ZNF532: variants seen among roughly 807,000 people sequenced by gnomAD.
ZNF532 encodes zinc finger protein 532.
ZNF532 carries 22 observed loss-of-function variants against 89.3 expected under a neutral mutation model. That is an observed-to-expected ratio of 0.25 (90% CI 0.18 to 0.35). The LOEUF (loss-of-function observed/expected upper bound fraction) is 0.35. Among genes scored for constraint, ZNF532 ranks in the 10% least tolerant of loss-of-function variants. The pLI is 1.00. For missense variants in ZNF532, 1,132 were observed against 1,643.4 expected (o/e 0.69, Z 5.38); for synonymous variants, 606 against 649.6 (o/e 0.93, Z 1.02).
chr18:58,951,002 G>A (rs964010846), intron 6 of ZNF532, among the ~76,000 whole-genome samples: 1 of 151,772 alleles, frequency 6.6e-6, no homozygotes, highest in Non-Finnish European at 1.5e-5. Flanking sequence ...TGTTGCCCCG[G>A]TTGGAGTACA....
Position 58,984,225 on chromosome 18 carries a change from TC to T in ZNF532, c.3666del (p.Phe1223SerfsTer6), listed in dbSNP as rs1460856455. 2 of 1,611,776 alleles carry T rather than the reference TC, an allele frequency of 1.2e-6. No individual in the cohort carries two copies. The highest frequency in any genetic ancestry group is 1.3e-5 in the African/African-American group (1 of 74,816). ...YTSHVSLSRH[L>X]FIVHKLKEPQ... is the part of the protein sequence containing the mutation. ...TCTCACGTCTCTCTGTCCAGGCACC[TC>T]TTCATCGTACACAAGTTAAAGGAAC... On this transcript the variant is annotated frameshift_variant, in exon 10 of 10. Coordinates refer to ENST00000591808, the MANE Select transcript of ZNF532 (RefSeq NM_001375912.1). LOFTEE classifies it high-confidence loss of function.
In ZNF532 at chr18:58,984,456, C is replaced by T; in HGVS notation, c.3896C>T (p.Ala1299Val). The T allele has an allele frequency of 8.1e-6, 13 of 1,607,092 alleles. No individual in the cohort carries two copies. Among genetic ancestry groups the T allele is most frequent in the Non-Finnish European group, 1.1e-5 (13 of 1,175,968 alleles). The change falls in exon 10 of 10, where the codon GCC (alanine) becomes GTC (valine). Residue 1299 changes from alanine to valine, a missense_variant. By Grantham distance (64) the Ala-to-Val change is moderately conservative. Coordinates refer to ENST00000591808, the MANE Select transcript of ZNF532 (RefSeq NM_001375912.1). Reference sequence around the variant, plus strand: ...ATCAAATCCAAAAGGATGAGCTCAGCCGAGAAATAGCCACAGATGCTCCAT... The same window carrying T: ...ATCAAATCCAAAAGGATGAGCTCAGTCGAGAAATAGCCACAGATGCTCCAT... ...AFIKSKRMSS[A>V]EK
chr18:58,936,932 C>T lies in ZNF532; in HGVS notation c.2528+2318C>T, dbSNP rs143522543. 2.3e-3 allele frequency among the ~76,000 whole-genome samples: 351 copies of T among 152,266 alleles called. 2 individuals are homozygous for T. The highest frequency in any genetic ancestry group is 3.4e-3 in the Non-Finnish European group (229 of 68,020). On this transcript the variant is annotated intron_variant, in intron 4 of 9. Coordinates refer to ENST00000591808, the MANE Select transcript of ZNF532 (RefSeq NM_001375912.1). ...GTCTAATGTAGCAGCATGGTTCCCA[C>T]GCCTTACTTTGTCTCGTCTTGGTGC...
intron 3 of ZNF532, among the ~76,000 whole-genome samples, chr18:58,923,156 C>G (rs1357925634): frequency 6.6e-6 from 1 of 152,028 alleles, no homozygotes; most frequent in Non-Finnish European, 1.5e-5. Context: ...TGATCTGTTT[C>G]CGTTTTGCAG....
At chr18:58,939,275 A>AAAAAAC (rs1250120505) in intron 4 of ZNF532, among the ~76,000 whole-genome samples, 170 bp from the exon 5 acceptor site, 1 of 146,796 alleles carries the variant, frequency 6.8e-6, no homozygotes, top group Non-Finnish European at 1.5e-5. Flanking sequence ...AAAAAAAAAA[A>AAAAAAC]CCCATAAACA....
intron 7 of ZNF532, among the ~76,000 whole-genome samples, chr18:58,958,114 A>G (rs1199493477): frequency 1.3e-5 from 2 of 151,024 alleles, no homozygotes; most frequent in Non-Finnish European, 2.9e-5. Context: ...TCTGCTAGTT[A>G]TTCAGTAGCT....
chr18:58,904,664 G>A (rs1263802378), intron 2 of ZNF532, among the ~76,000 whole-genome samples: 2 of 152,198 alleles, frequency 1.3e-5, no homozygotes, highest in East Asian at 1.9e-4. Context: ...CATATATTAA[G>A]TGATCAGTGA....
chr18:58,968,624 G>A (rs1284841668), intron 7 of ZNF532, among the ~76,000 whole-genome samples: 2 of 152,220 alleles, frequency 1.3e-5, no homozygotes, highest in Middle Eastern at 3.2e-3. Flanking sequence ...ATCCATGGCA[G>A]GTAGAGCGTA....
At chr18:58,870,205 A>C (rs1310644254) in intron 2 of ZNF532, among the ~76,000 whole-genome samples, 1 of 151,564 alleles carries the variant, frequency 6.6e-6, no homozygotes, top group Non-Finnish European at 1.5e-5. Flanking sequence ...TTGCCTTGTC[A>C]TTTAACAGAT....
intron 3 of ZNF532, among the ~76,000 whole-genome samples, chr18:58,925,948 G>A (rs1354832672): frequency 3.9e-5 from 6 of 152,136 alleles, no homozygotes; most frequent in African/African-American, 1.4e-4. Flanking sequence ...ATTGATCTGT[G>A]TGTCTGTCCC....
At chr18:58,897,134 G>C (rs1165736605) in intron 2 of ZNF532, among the ~76,000 whole-genome samples, 2 of 152,072 alleles carry the variant, frequency 1.3e-5, no homozygotes, top group South Asian at 2.1e-4. Context: ...TAGCAGGGGT[G>C]GGGGGGATTG....
At chr18:58,944,472 A>G (rs1348167302) in intron 5 of ZNF532, among the ~76,000 whole-genome samples, 1 of 151,898 alleles carries the variant, frequency 6.6e-6, no homozygotes, top group Non-Finnish European at 1.5e-5. Context: ...TTGGCTTTCA[A>G]AGCCCTGCAC....
At chr18:58,925,501 T>A (rs1174794724) in intron 3 of ZNF532, among the ~76,000 whole-genome samples, 1 of 152,230 alleles carries the variant, frequency 6.6e-6, no homozygotes, top group Non-Finnish European at 1.5e-5. Flanking sequence ...TCACAAGTTC[T>A]TGATAGAGCC....
chr18:58,982,540 G>A (rs2067924779), intron 9 of ZNF532, among the ~76,000 whole-genome samples: 1 of 151,838 alleles, frequency 6.6e-6, no homozygotes, highest in Non-Finnish European at 1.5e-5. Flanking sequence ...GAGAATTGCT[G>A]GAACCTGGGA....
intron 2 of ZNF532, among the ~76,000 whole-genome samples, chr18:58,871,690 C>T (rs958426139): frequency 2.0e-5 from 3 of 152,150 alleles, no homozygotes; most frequent in Non-Finnish European, 2.9e-5. Context: ...TGACTGCCAG[C>T]GTGAGAATAT....
chr18:58,888,121 C>A (rs2058432783), intron 2 of ZNF532, among the ~76,000 whole-genome samples: 1 of 152,066 alleles, frequency 6.6e-6, no homozygotes, highest in Non-Finnish European at 1.5e-5. Flanking sequence ...AAGGAATTTA[C>A]TCAGTTGAAT....
At chr18:58,965,791 A>C (rs1223242818) in intron 7 of ZNF532, among the ~76,000 whole-genome samples, 3 of 152,154 alleles carry the variant, frequency 2.0e-5, no homozygotes, top group African/African-American at 7.2e-5. Flanking sequence ...AATGTTTTAG[A>C]GTGGCTTGAA....
chr18:58,867,044 T>A (rs1602429450), intron 2 of ZNF532, among the ~76,000 whole-genome samples: 1 of 152,258 alleles, frequency 6.6e-6, no homozygotes, highest in South Asian at 2.1e-4. Flanking sequence ...CTGCGCGTGG[T>A]GTGCTGCTTC....
chr18:58,873,870 G>T (rs2057205086), intron 2 of ZNF532, among the ~76,000 whole-genome samples: 1 of 152,214 alleles, frequency 6.6e-6, no homozygotes, highest in Non-Finnish European at 1.5e-5. Context: ...ATATAAACCT[G>T]ATTGCCTGTC....
Sources: gnomAD v4.1 joint callset for allele counts (sites outside exome capture counted in the v4.1 genomes callset) on GRCh38, gnomAD v4.1.1 for gene constraint, MANE v1.5 for transcripts, NCBI Gene and HGNC (gene_info 2026-07-23, HGNC 2026-07-21) for gene names.